Variants in NDST3 observed in about 807,000 individuals in gnomAD.
NDST3 encodes the protein bifunctional heparan sulfate N-deacetylase/N-sulfotransferase 3.
A neutral mutation model predicts 96.1 loss-of-function variants in NDST3; 58 were observed. The ratio of observed to expected loss-of-function variants is 0.60; its 90% CI spans 0.49 to 0.75. The LOEUF (loss-of-function observed/expected upper bound fraction) is 0.75. Among genes scored for constraint, NDST3 ranks in the 30% least tolerant of loss-of-function variants. NDST3 has a pLI of 0.00. For synonymous variants in NDST3, 333 were observed against 359.7 expected (o/e 0.93, Z 0.84); for missense variants, 788 against 1,034.2 (o/e 0.76, Z 3.27).
chr4:118,128,945 T>C (rs1418533703), intron 4 of NDST3, among the ~76,000 whole-genome samples: 1 of 152,076 alleles, frequency 6.6e-6, no homozygotes, highest in Non-Finnish European at 1.5e-5. Context: ...ATTTATTCAT[T>C]TCCTGTAAAT....
At chr4:118,217,798 A>C (rs765530496) in intron 6 of NDST3, among the ~76,000 whole-genome samples, 7 of 151,998 alleles carry the variant, frequency 4.6e-5, no homozygotes, top group Admixed American at 6.6e-5. Context: ...TGGAGAAATG[A>C]AAAATTTTGC....
chr4:118,034,584 T>G lies in NDST3; in HGVS notation c.-164T>G, dbSNP rs1263381974. On this transcript the variant is annotated 5_prime_UTR_variant, in exon 1 of 14. An upstream open reading frame in the 5' UTR loses its in-frame stop. Transcript: ENST00000296499. ...CTCAAGCATTTTCAGCTCTGAACTT[T>G]AATTCCAGGTAAGTGTATTTATTTA... 6.6e-6 allele frequency: 1 copy of G among 152,252 alleles called. No homozygotes were observed. Among genetic ancestry groups the G allele is most frequent in the Non-Finnish European group, 1.5e-5 (1 of 68,042 alleles). 9.4% of individuals were successfully genotyped at this position (152,252 alleles called of 1,614,324 possible).
At chr4:118,050,031 T>C (rs1209155241) in intron 1 of NDST3, among the ~76,000 whole-genome samples, 1 of 152,000 alleles carries the variant, frequency 6.6e-6, no homozygotes, top group African/African-American at 2.4e-5. Context: ...AAATTTAATA[T>C]GCCACAATCA....
At chr4:118,064,831 G>A (rs138368706) in intron 2 of NDST3, among the ~76,000 whole-genome samples, 2 of 152,232 alleles carry the variant, frequency 1.3e-5, no homozygotes, top group East Asian at 3.9e-4. Context: ...ACAGGGCTGT[G>A]TTCCTTTCTG....
rs532496219 is a variant in NDST3, at chr4:118,159,174, C to T, written c.1539+15490C>T. Among the ~76,000 whole-genome samples, 133 of 152,216 alleles carry T rather than the reference C, an allele frequency of 8.7e-4. 1 individual carries two copies. Among genetic ancestry groups the T allele is most frequent in the African/African-American group, 3.0e-3 (124 of 41,522 alleles). On this transcript the variant is annotated intron_variant, in intron 6 of 13. Coordinates refer to ENST00000296499, the MANE Select transcript of NDST3 (RefSeq NM_004784.3). ...GCAGAAGGGTGGGTGGATGGTTGCCCGAGAAACTAGTTTTTATCTTATCTG... is the reference window on the plus strand; with the variant it reads ...GCAGAAGGGTGGGTGGATGGTTGCCTGAGAAACTAGTTTTTATCTTATCTG...
chr4:118,109,352 G>A (rs1730456401), intron 3 of NDST3, among the ~76,000 whole-genome samples: 1 of 152,168 alleles, frequency 6.6e-6, no homozygotes, highest in Non-Finnish European at 1.5e-5. Context: ...AGCAAAACCA[G>A]GACAGCCCAG....
chr4:118,152,883 A>G (rs1734491697), intron 6 of NDST3, among the ~76,000 whole-genome samples: 1 of 152,164 alleles, frequency 6.6e-6, no homozygotes, highest in Non-Finnish European at 1.5e-5. Flanking sequence ...CTCAGGTCGA[A>G]TTTCCAAGCA....
At chr4:118,142,823 T>C (rs2125905119) in intron 5 of NDST3, among the ~76,000 whole-genome samples, 1 of 152,302 alleles carries the variant, frequency 6.6e-6, no homozygotes, top group Middle Eastern at 3.4e-3. Flanking sequence ...TGAAAAACCT[T>C]ATCACGAGTG....
At chr4:118,102,371 C>T (rs532302714) in intron 2 of NDST3, among the ~76,000 whole-genome samples, 180 of 152,132 alleles carry the variant, frequency 1.2e-3, no homozygotes, top group African/African-American at 3.9e-3. Context: ...TTACCTCCTC[C>T]ATGACCACAG....
At chr4:118,233,256 G>T (rs1740428847) in intron 9 of NDST3, 121 bp downstream of exon 9, 1 of 867,226 alleles carries the variant, frequency 1.2e-6, no homozygotes, top group Non-Finnish European at 1.6e-6. Context: ...TCTGTGCCTT[G>T]GAAATTGATT....
chr4:118,230,382 T>C (rs976084849), intron 8 of NDST3, among the ~76,000 whole-genome samples: 1 of 152,118 alleles, frequency 6.6e-6, no homozygotes, highest in Admixed American at 6.5e-5. Context: ...GAGACCATCC[T>C]GGCTAACACG....
chr4:118,119,639 A>G (rs931252708), intron 4 of NDST3, among the ~76,000 whole-genome samples: 4 of 152,226 alleles, frequency 2.6e-5, no homozygotes, highest in African/African-American at 9.6e-5. Context: ...TAGCTGAAGG[A>G]AATTCAAGAA....
chr4:118,206,756 C>G (rs1027999652), intron 6 of NDST3, among the ~76,000 whole-genome samples: 1 of 144,010 alleles, frequency 6.9e-6, no homozygotes, highest in Non-Finnish European at 1.5e-5. Flanking sequence ...AAGACTAACT[C>G]TCACACATTA....
intron 6 of NDST3, among the ~76,000 whole-genome samples, chr4:118,176,706 A>G (rs1165629525): frequency 6.6e-6 from 1 of 152,142 alleles, no homozygotes; most frequent in Non-Finnish European, 1.5e-5. Context: ...TTCTAATATG[A>G]GACACCCACT....
intron 6 of NDST3, among the ~76,000 whole-genome samples, chr4:118,148,125 T>C (rs1051754839): frequency 1.2e-4 from 18 of 152,024 alleles, no homozygotes; most frequent in Non-Finnish European, 1.8e-4. Context: ...GGTGAAACCC[T>C]GTCTCTACTA....
Position 118,188,294 on chromosome 4 carries a change from A to G in NDST3, c.1540-36197A>G, listed in dbSNP as rs145705441. 4.5e-3 allele frequency among the ~76,000 whole-genome samples: 669 copies of G among 148,088 alleles called. 6 individuals carry two copies. Among genetic ancestry groups the G allele is most frequent in the Middle Eastern group, 0.014 (4 of 278 alleles). On this transcript the variant is annotated intron_variant, in intron 6 of 13. Coordinates refer to ENST00000296499, the MANE Select transcript of NDST3 (RefSeq NM_004784.3). ...AATATCATTAATATATGATATATTT[A>G]TTATATATTATTAATATATAATATA...
intron 3 of NDST3, among the ~76,000 whole-genome samples, chr4:118,105,961 C>CT (rs1730147472): frequency 2.0e-5 from 3 of 152,246 alleles, no homozygotes; most frequent in South Asian, 4.1e-4. Context: ...TGTATGCTTG[C>CT]CAGTATTTGA....
Position 118,211,623 on chromosome 4 carries a change from T to A in NDST3, c.1540-12868T>A, listed in dbSNP as rs543461285. 3.9e-5 allele frequency among the ~76,000 whole-genome samples: 6 copies of A among 152,266 alleles called. No homozygotes were observed. In the South Asian group the frequency reaches 1.2e-3, roughly 32 times the overall value. ...CATCGCATTAGGGGCTGACAAGGGT[T>A]CAGACTAGAAGGAGCACAGGGGTTG... On this transcript the variant is annotated intron_variant, in intron 6 of 13. Coordinates refer to ENST00000296499, the MANE Select transcript of NDST3 (RefSeq NM_004784.3).
chr4:118,039,568 A>T (rs1724330817), intron 1 of NDST3, among the ~76,000 whole-genome samples: 1 of 152,242 alleles, frequency 6.6e-6, no homozygotes, highest in Non-Finnish European at 1.5e-5. Flanking sequence ...CACATAACTA[A>T]TTATAACTTT....
Sources: allele counts gnomAD v4.1 joint callset (sites outside exome capture counted in the v4.1 genomes callset), GRCh38; gene constraint gnomAD v4.1.1; transcripts MANE v1.5; gene names NCBI Gene and HGNC (gene_info 2026-07-23, HGNC 2026-07-21).